The following GUK1 variants were observed in gnomAD, a reference collection of about 807,000 sequenced individuals.
GUK1 encodes guanylate kinase.
Under a neutral mutation model 25.2 loss-of-function variants are expected in GUK1, and 18 were observed. The ratio of observed to expected loss-of-function variants is 0.71; its 90% CI spans 0.49 to 1.06. The LOEUF (loss-of-function observed/expected upper bound fraction) is 1.06, where lower values mean the gene tolerates loss of function less well. GUK1 is among the 50% of genes least tolerant of loss of function. GUK1 has a pLI of 0.00. For missense variants in GUK1, 261 were observed against 276.7 expected (o/e 0.94, Z 0.40); for synonymous variants, 105 against 117.6 (o/e 0.89, Z 0.69).
Position 228,146,456 on chromosome 1 carries a change from C to G in GUK1, c.155-386C>G. 3 of 433,750 alleles carry G rather than the reference C, an allele frequency of 6.9e-6. No individual in the cohort carries two copies. In the South Asian group the frequency reaches 9.7e-5, roughly 14 times the overall value. 26.9% of individuals were successfully genotyped at this position (433,750 alleles called of 1,614,324 possible). A position where few individuals can be genotyped will look rare whatever the true frequency, so the allele number is the denominator to read the frequency against. On this transcript the variant is annotated intron_variant, in intron 4 of 8. Coordinates refer to ENST00000312726, the MANE Select transcript of GUK1 (RefSeq NM_000858.7). ...GGGACCCCCTTCCCAACAGCACCCC[C>G]GCCCCTTGCCGTGCAACCCAGTGGT...
At chr1:228,145,398 T>C (rs1430913716) in intron 2 of GUK1, 113 bp from the exon 2 acceptor site, 1 of 1,113,202 alleles carries the variant, frequency 9.0e-7, no homozygotes, top group Non-Finnish European at 1.2e-6. Context: ...CAGGCCAATG[T>C]CTCCATCCCT....
At chr1:228,141,724 T>C in intron 2 of GUK1, 5 of 1,322,564 alleles carry the variant, frequency 3.8e-6, no homozygotes, top group Non-Finnish European at 5.0e-6. Context: ...GGGAGCCCAG[T>C]CCAGGGAGCG....
Position 228,147,618 on chromosome 1 carries a change from C to T in GUK1, c.394C>T (p.Gln132Ter), listed in dbSNP as rs753215219. The change falls in exon 7 of 9, where the codon CAG (glutamine) becomes TAG (stop). Residue 132 changes from glutamine (Q) to a stop codon, truncating the protein, a stop_gained. Transcript: ENST00000312726. LOFTEE classifies it high-confidence loss of function. ...CTGATTGCCACCCCCTTTTTAGGAG[C>T]AGCGGCTGCGGCAGCGCAACACTGA... 18 of 1,613,002 alleles carry T rather than the reference C, an allele frequency of 1.1e-5. No individual in the cohort carries two copies. The South Asian group carries it at 1.8e-4, about 16-fold the overall frequency.
chr1:228,144,724 G>A, intron 2 of GUK1: 2 of 985,478 alleles, frequency 2.0e-6, no homozygotes, highest in Non-Finnish European at 2.4e-6. Flanking sequence ...ACCCCAGGCT[G>A]ACTACAGAGG....
intron 2 of GUK1, among the ~76,000 whole-genome samples, chr1:228,142,314 T>C (rs1352152295): frequency 6.6e-6 from 1 of 152,078 alleles, no homozygotes; most frequent in East Asian, 1.9e-4. Flanking sequence ...TCCAGAGTTC[T>C]TGGCAATTGG....
intron 4 of GUK1, 141 bp downstream of exon 3, chr1:228,146,208 C>T (rs558640231): frequency 1.9e-5 from 12 of 632,484 alleles, no homozygotes; most frequent in Non-Finnish European, 2.9e-5. Context: ...CTCCAAGGGC[C>T]GGTGAACTCA....
chr1:228,147,060 T>C, intron 5 of GUK1, 122 bp downstream of exon 4: 1 of 756,488 alleles, frequency 1.3e-6, no homozygotes, highest in Non-Finnish European at 2.3e-6. Flanking sequence ...TGTGGCCAGG[T>C]TGTGGCCCAG....
chr1:228,142,472 A>G (rs1209116564), intron 2 of GUK1, among the ~76,000 whole-genome samples: 2 of 151,650 alleles, frequency 1.3e-5, no homozygotes, highest in African/African-American at 2.4e-5. Flanking sequence ...CCTCACCTCA[A>G]TAGCTTACTG....
chr1:228,140,780 T>C (rs1187540658), intron 1 of GUK1, among the ~76,000 whole-genome samples: 1 of 152,236 alleles, frequency 6.6e-6, no homozygotes, highest in African/African-American at 2.4e-5. Context: ...AGCCGGCTAT[T>C]CCGGGGCTCC....
At chr1:228,148,486 A>G in intron 8 of GUK1, 30 bp downstream of exon 7, 1 of 1,529,970 alleles carries the variant, frequency 6.5e-7, no homozygotes, top group Non-Finnish European at 8.9e-7. Flanking sequence ...TACCTGGGCA[A>G]GGCCCAAGGG....
intron 2 of GUK1, among the ~76,000 whole-genome samples, chr1:228,142,381 C>A (rs375649631): frequency 3.3e-5 from 5 of 152,342 alleles, no homozygotes; most frequent in African/African-American, 1.2e-4. Flanking sequence ...GCTGCGCAGA[C>A]AACGCCCTTG....
intron 2 of GUK1, among the ~76,000 whole-genome samples, chr1:228,143,816 G>A (rs916242045): frequency 2.0e-5 from 3 of 152,196 alleles, no homozygotes; most frequent in African/African-American, 7.2e-5. Context: ...GAGCCAGGAG[G>A]GCATGGGGTG....
At chr1:228,145,801 C>A in intron 3 of GUK1, 177 bp downstream of exon 2, 1 of 775,852 alleles carries the variant, frequency 1.3e-6, no homozygotes, top group African/African-American at 1.7e-5. Flanking sequence ...TGCTGTCCTG[C>A]GTGCCTGTGT....
rs1447715190 is a variant in GUK1, at chr1:228,141,184, T to C, written c.-107T>C. ...GACCCTGTGCAAGACTCGGCCGGTT[T>C]TTCTTTCTCCCTGATGGACAGACCC... On this transcript the variant is annotated 5_prime_UTR_variant, in exon 2 of 9. Transcript: ENST00000312726. 4 of 985,430 alleles carry C rather than the reference T, an allele frequency of 4.1e-6. No individual in the cohort carries two copies. The South Asian group carries it at 1.9e-4, about 46-fold the overall frequency. 61.0% of individuals were successfully genotyped at this position (985,430 alleles called of 1,614,324 possible). A position where few individuals can be genotyped will look rare whatever the true frequency, so the allele number is the denominator to read the frequency against.
chr1:228,147,859 G>A (rs748269234), intron 7 of GUK1, 160 bp downstream of exon 6: 8 of 629,958 alleles, frequency 1.3e-5, no homozygotes, highest in East Asian at 2.8e-5. Flanking sequence ...TAGAGTCCCC[G>A]TGAGGGTCCC....
At chr1:228,142,571 C>T (rs1426287244) in intron 2 of GUK1, among the ~76,000 whole-genome samples, 1 of 152,028 alleles carries the variant, frequency 6.6e-6, no homozygotes, top group Non-Finnish European at 1.5e-5. Context: ...AGGAAACAGG[C>T]GGGGTTGGGG....
Position 228,147,457 on chromosome 1 carries a change from C to G in GUK1, c.303C>G (p.Asp101Glu). ...CCATGAACCGCATCTGTGTGCTGGA[C>G]GTGGACCTGCAGGGTGTGCGGAACA... Residue 101 changes from aspartate (D) to glutamate (E), a missense_variant, in exon 6 of 9, where the codon GAC (aspartate) becomes GAG (glutamate). By Grantham distance (45) the Asp-to-Glu change is conservative. Coordinates refer to ENST00000312726, the MANE Select transcript of GUK1 (RefSeq NM_000858.7). 6.2e-7 allele frequency: 1 copy of G among 1,612,776 alleles called. No homozygotes were observed.
At position 228,146,983 on chromosome 1, in the gene GUK1, G is replaced by A. The variant is rs368005156; in HGVS notation, c.251+45G>A. On this transcript the variant is annotated intron_variant, in intron 5 of 8. Transcript: ENST00000312726. ...GGGTGGGCTCCCAGGGTTGCTGTTG[G>A]CAACAGGGATCCAGGTAGTGCCTGC... 80 of 1,274,492 alleles carry A rather than the reference G, an allele frequency of 6.3e-5. 1 individual carries two copies. The highest frequency in any genetic ancestry group is 3.7e-4 in the Middle Eastern group (2 of 5,368). 78.9% of individuals were successfully genotyped at this position (1,274,492 alleles called of 1,614,324 possible).
chr1:228,140,875 TG>T (rs1302633053), intron 1 of GUK1, among the ~76,000 whole-genome samples: 10 of 152,230 alleles, frequency 6.6e-5, no homozygotes, highest in African/African-American at 2.4e-4. Flanking sequence ...GTGTGGCATT[TG>T]GGGTTCGGAT....
Sources: gnomAD v4.1 joint callset for allele counts (sites outside exome capture counted in the v4.1 genomes callset) on GRCh38, gnomAD v4.1.1 for gene constraint, MANE v1.5 for transcripts, NCBI Gene and HGNC (gene_info 2026-07-23, HGNC 2026-07-21) for gene names.